The following PRKG1 variants were observed in gnomAD, a reference collection of about 807,000 sequenced individuals.
PRKG1 encodes protein kinase cGMP-dependent 1.
Under a neutral mutation model 88.1 loss-of-function variants are expected in PRKG1, and 35 were observed. That is an observed-to-expected ratio of 0.40 (90% confidence interval 0.30 to 0.53). PRKG1 has a LOEUF of 0.53. PRKG1 is among the 20% of genes least tolerant of loss of function. The pLI, the probability that PRKG1 is intolerant of heterozygous loss-of-function variation, is 0.59. For synonymous variants in PRKG1, 303 were observed against 292.5 expected (o/e 1.04, Z -0.37); for missense variants, 540 against 839.8 (o/e 0.64, Z 4.41).
chr10:51,077,390 G>A (rs7084767), intron 1 of PRKG1, among the ~76,000 whole-genome samples: 32,499 of 151,932 alleles, frequency 0.21, 3,660 homozygotes, highest in Admixed American at 0.26. Flanking sequence ...TCCAGTTTAC[G>A]TTCATGCTAG....
chr10:51,862,089 C>A (rs1840889844), intron 4 of PRKG1, among the ~76,000 whole-genome samples: 2 of 152,174 alleles, frequency 1.3e-5, no homozygotes, highest in Non-Finnish European at 2.9e-5. Flanking sequence ...AAGGTTTGAG[C>A]CCCCAAGAAA....
intron 3 of PRKG1, among the ~76,000 whole-genome samples, chr10:51,676,360 AC>A (rs2132358092): frequency 6.6e-6 from 1 of 152,164 alleles, no homozygotes; most frequent in East Asian, 1.9e-4. Flanking sequence ...TTCAGGCCAA[AC>A]AAAGAAACCA....
intron 1 of PRKG1, among the ~76,000 whole-genome samples, chr10:51,033,021 A>G (rs1451862205): frequency 6.6e-6 from 1 of 151,996 alleles, no homozygotes; most frequent in Non-Finnish European, 1.5e-5. Context: ...TTACTTCCCT[A>G]ACTACTCTGC....
In PRKG1 at chr10:52,161,774, T is replaced by A. The variant is rs185826479; in HGVS notation, c.1002-115T>A. On this transcript the variant is annotated intron_variant, in intron 8 of 17. Coordinates refer to ENST00000373980, the MANE Select transcript of PRKG1 (RefSeq NM_006258.4). ...TTCTTATTAATGTACTTAGATTAAG[T>A]GTTTGAATTTACTTTTCTTTAGATG... The A allele has an allele frequency of 1.7e-4, 140 of 800,158 alleles. No individual in the cohort carries two copies. The African/African-American group carries it at 2.3e-3, about 13-fold the overall frequency. 49.6% of individuals were successfully genotyped at this position (800,158 alleles called of 1,614,324 possible).
chr10:51,078,783 A>C (rs1844033890), intron 1 of PRKG1, among the ~76,000 whole-genome samples: 1 of 151,196 alleles, frequency 6.6e-6, no homozygotes, highest in Non-Finnish European at 1.5e-5. Context: ...CGCCCGGCTA[A>C]TTTTTTTGTA....
chr10:51,364,305 T>A (rs757353681), intron 2 of PRKG1, among the ~76,000 whole-genome samples: 1 of 151,960 alleles, frequency 6.6e-6, no homozygotes, highest in Non-Finnish European at 1.5e-5. Flanking sequence ...GTCAGGCAAA[T>A]GGGAGGAGCC....
chr10:52,151,110 T>C (rs1837901674), intron 8 of PRKG1, among the ~76,000 whole-genome samples: 1 of 152,154 alleles, frequency 6.6e-6, no homozygotes, highest in Non-Finnish European at 1.5e-5. Flanking sequence ...GGTTTTAGGG[T>C]ACATGTGCAG....
intron 2 of PRKG1, among the ~76,000 whole-genome samples, chr10:51,253,360 G>T (rs1168142437): frequency 1.3e-5 from 2 of 151,810 alleles, no homozygotes; most frequent in Non-Finnish European, 2.9e-5. Flanking sequence ...TGCTGATGAA[G>T]TTCAAATGTA....
intron 3 of PRKG1, among the ~76,000 whole-genome samples, chr10:51,708,862 G>T (rs1301754900): frequency 2.0e-5 from 3 of 152,164 alleles, no homozygotes; most frequent in South Asian, 2.1e-4. Flanking sequence ...AGACTGACTT[G>T]AGGGGCTTGA....
At chr10:51,245,392 CA>C (rs1380079408) in intron 2 of PRKG1, 1 of 152,038 alleles carries the variant, frequency 6.6e-6, no homozygotes, top group Admixed American at 6.6e-5. Context: ...CAAACCCTGG[CA>C]CTATTTTTAT....
intron 3 of PRKG1, among the ~76,000 whole-genome samples, chr10:51,491,286 C>A (rs1761658477): frequency 6.6e-6 from 1 of 152,028 alleles, no homozygotes; most frequent in African/African-American, 2.4e-5. Flanking sequence ...AAAAAACTTT[C>A]CAACCACTTT....
Position 51,997,426 on chromosome 10 carries a change from G to A in PRKG1, c.763-57058G>A, listed in dbSNP as rs181429077. On this transcript the variant is annotated intron_variant, in intron 5 of 17. Transcript: ENST00000373980. ...GCGGAGGTTGCAGTGAGCCGAGATC[G>A]CACCACTGCACTCCAGCCTGGCAAG... Among the ~76,000 whole-genome samples, 675 of 146,104 alleles carry A rather than the reference G, an allele frequency of 4.6e-3. 4 individuals carry two copies. The highest frequency in any genetic ancestry group is 0.015 in the African/African-American group (607 of 39,202).
At chr10:51,432,618 A>G (rs894132404) in intron 2 of PRKG1, among the ~76,000 whole-genome samples, 2 of 152,190 alleles carry the variant, frequency 1.3e-5, no homozygotes, top group African/African-American at 4.8e-5. Flanking sequence ...AGTCGCTGGA[A>G]AATGGCTGGG....
intron 3 of PRKG1, among the ~76,000 whole-genome samples, chr10:51,679,968 TC>T (rs1046208311): frequency 1.1e-4 from 16 of 140,830 alleles, no homozygotes; most frequent in African/African-American, 4.3e-4. Context: ...AAACCCCACC[TC>T]CCCACACCCA....
intron 2 of PRKG1, among the ~76,000 whole-genome samples, chr10:51,261,903 G>A (rs1489110356): frequency 1.9e-5 from 1 of 53,276 alleles, no homozygotes; most frequent in African/African-American, 1.5e-4. Flanking sequence ...TTTTTTTTTT[G>A]AGATGGAGTC....
chr10:52,054,400 C>A, intron 5 of PRKG1, 84 bp from the exon 6 acceptor site: 2 of 955,872 alleles, frequency 2.1e-6, no homozygotes, highest in Non-Finnish European at 3.3e-6. Flanking sequence ...GAATATATCC[C>A]TGGGGGTTGA....
intron 3 of PRKG1, among the ~76,000 whole-genome samples, chr10:51,773,733 C>G (rs1838364222): frequency 6.6e-6 from 1 of 151,864 alleles, no homozygotes. Flanking sequence ...TACCATGTAC[C>G]ATTATTCATC....
chr10:51,375,269 T>G (rs1384534138), intron 2 of PRKG1, among the ~76,000 whole-genome samples: 1 of 152,166 alleles, frequency 6.6e-6, no homozygotes, highest in African/African-American at 2.4e-5. Context: ...TAATAGTACC[T>G]ATTTATAGGG....
chr10:51,670,099 T>A (rs115742112), intron 3 of PRKG1, among the ~76,000 whole-genome samples: 1,874 of 152,294 alleles, frequency 0.012, 35 homozygotes, highest in African/African-American at 0.042. Context: ...TGTTAATTGC[T>A]CCTTTCATAA....
Sources: allele counts gnomAD v4.1 joint callset (sites outside exome capture counted in the v4.1 genomes callset), GRCh38; gene constraint gnomAD v4.1.1; transcripts MANE v1.5; gene names NCBI Gene and HGNC (gene_info 2026-07-23, HGNC 2026-07-21).